Variants in ARHGAP26 observed in about 807,000 individuals in gnomAD.
The protein encoded by ARHGAP26 is rho GTPase-activating protein 26.
ARHGAP26 carries 38 observed loss-of-function variants against 104.8 expected under a neutral mutation model. The observed-to-expected ratio is 0.36, with a 90% CI of 0.28 to 0.48. ARHGAP26 has a LOEUF of 0.48. Ranked by LOEUF, ARHGAP26 falls within the 20% of genes least tolerant of loss-of-function variation. The pLI is 0.99. For missense variants in ARHGAP26, 704 were observed against 947.9 expected (o/e 0.74, Z 3.38); for synonymous variants, 341 against 340.0 (o/e 1.00, Z -0.03).
chr5:143,166,094 C>T (rs548259443), intron 20 of ARHGAP26: 2 of 1,312,994 alleles, frequency 1.5e-6, no homozygotes, highest in East Asian at 9.0e-5. Context: ...GTGATGGGCA[C>T]AAGGTGAGAA....
rs199728994 is a variant in ARHGAP26, at chr5:142,900,761, T to TA, written c.598-1165dup. 2.1e-3 allele frequency among the ~76,000 whole-genome samples: 316 copies of TA among 151,234 alleles called. 2 individuals are homozygous for TA. The highest frequency in any genetic ancestry group is 7.0e-3 in the African/African-American group (287 of 41,256). On this transcript the variant is annotated intron_variant, in intron 6 of 22. Coordinates refer to ENST00000645722, the MANE Select transcript of ARHGAP26 (RefSeq NM_001135608.3). Reference sequence around the variant, plus strand: ...ACATAATAAGTAATGTTTAACAGGTTAAAAAAAAATCATTTAGGGACTGAA... The same window carrying TA: ...ACATAATAAGTAATGTTTAACAGGTTAAAAAAAAAATCATTTAGGGACTGAA...
intron 20 of ARHGAP26, among the ~76,000 whole-genome samples, chr5:143,188,386 T>G (rs983745725): frequency 6.6e-6 from 1 of 152,224 alleles, no homozygotes; most frequent in Non-Finnish European, 1.5e-5. Context: ...GTCATTCAAT[T>G]TCTTGCTAAT....
intron 1 of ARHGAP26, among the ~76,000 whole-genome samples, chr5:142,789,019 A>G (rs1458059874): frequency 6.6e-5 from 10 of 152,232 alleles, no homozygotes; most frequent in Non-Finnish European, 1.5e-4. Context: ...TGTTGTCAGA[A>G]TTTGAACCTT....
chr5:143,177,839 G>C (rs1300962452), intron 20 of ARHGAP26, among the ~76,000 whole-genome samples: 2 of 151,990 alleles, frequency 1.3e-5, no homozygotes, highest in Admixed American at 1.3e-4. Context: ...TGTTTCCCCA[G>C]CACTTGAGGG....
intron 4 of ARHGAP26, among the ~76,000 whole-genome samples, chr5:142,881,236 T>C (rs1403248936): frequency 1.3e-5 from 2 of 152,202 alleles, no homozygotes; most frequent in South Asian, 4.1e-4. Flanking sequence ...CAGAGCTGTT[T>C]GTTGAGTCAT....
chr5:143,175,482 A>G (rs1215263538), intron 20 of ARHGAP26, among the ~76,000 whole-genome samples: 2 of 152,206 alleles, frequency 1.3e-5, no homozygotes, highest in Non-Finnish European at 2.9e-5. Flanking sequence ...GAAATGTTTT[A>G]GAAAAAAGAT....
At chr5:142,951,170 C>G (rs925572344) in intron 11 of ARHGAP26, among the ~76,000 whole-genome samples, 3 of 152,180 alleles carry the variant, frequency 2.0e-5, no homozygotes, top group African/African-American at 7.2e-5. Context: ...AGCGATTCTC[C>G]TGCTTCAGCC....
Position 143,041,879 on chromosome 5 carries a change from G to A in ARHGAP26, c.1274G>A (p.Ser425Asn). The change falls in exon 14 of 23, where the codon AGT (serine) becomes AAT (asparagine). Residue 425 changes from serine to asparagine, a missense_variant. Physicochemically the swap from Ser to Asn is conservative, Grantham distance 46. Around this residue, in one of 6 missense-constraint regions of ARHGAP26, gnomAD observed 287 missense variants for 438.8 expected, o/e 0.65. Coordinates refer to ENST00000645722, the MANE Select transcript of ARHGAP26 (RefSeq NM_001135608.3). Reference sequence around the variant, plus strand: ...AACTCCAGAGTGCAGAAGTTGCTGAGTGTCCTGATGGGTGAGTGCCGCAGT... The same window carrying A: ...AACTCCAGAGTGCAGAAGTTGCTGAATGTCCTGATGGGTGAGTGCCGCAGT... ...GVNSRVQKLLSVLMDPKTASE... is the reference protein window; with the variant it reads ...GVNSRVQKLLNVLMDPKTASE... The A allele has an allele frequency of 6.3e-7, 1 of 1,591,756 alleles. No homozygotes were observed. Among genetic ancestry groups the A allele is most frequent in the Middle Eastern group, 1.7e-4 (1 of 6,042 alleles).
chr5:142,947,136 G>A (rs1004206466), intron 11 of ARHGAP26: 1 of 150,490 alleles, frequency 6.6e-6, no homozygotes, highest in African/African-American at 2.5e-5. Flanking sequence ...GAGAGAGATG[G>A]GGTGGAGGGA....
chr5:143,010,082 G>A (rs565021290), intron 11 of ARHGAP26, among the ~76,000 whole-genome samples: 3 of 152,288 alleles, frequency 2.0e-5, no homozygotes, highest in African/African-American at 7.2e-5. Context: ...TGATGCTAGT[G>A]GGCAACTGTG....
At chr5:143,006,995 C>T (rs938517749) in intron 11 of ARHGAP26, among the ~76,000 whole-genome samples, 3 of 151,750 alleles carry the variant, frequency 2.0e-5, no homozygotes, top group Non-Finnish European at 2.9e-5. Context: ...TTTGGGAGGC[C>T]GAGGCGGGTG....
chr5:142,971,734 G>C (rs1697380770), intron 11 of ARHGAP26, among the ~76,000 whole-genome samples: 2 of 152,252 alleles, frequency 1.3e-5, no homozygotes, highest in East Asian at 3.9e-4. Context: ...GAAACCAAAA[G>C]CTTAAAGAGG....
At chr5:142,812,765 TG>T (rs1003263072) in intron 1 of ARHGAP26, among the ~76,000 whole-genome samples, 8 of 152,294 alleles carry the variant, frequency 5.3e-5, no homozygotes, top group African/African-American at 1.7e-4. Flanking sequence ...CTTAAACTCC[TG>T]GGCTCAAGCA....
intron 22 of ARHGAP26, among the ~76,000 whole-genome samples, chr5:143,219,203 C>T (rs1369387939): frequency 6.6e-6 from 1 of 152,192 alleles, no homozygotes; most frequent in East Asian, 1.9e-4. Context: ...TATGACCATG[C>T]ACAAATTATT....
intron 10 of ARHGAP26, among the ~76,000 whole-genome samples, chr5:142,928,991 G>A (rs1055004314): frequency 2.0e-5 from 3 of 152,164 alleles, no homozygotes; most frequent in African/African-American, 7.2e-5. Context: ...GGGCTGGAGT[G>A]CAGTGGCATG....
intron 1 of ARHGAP26, among the ~76,000 whole-genome samples, chr5:142,808,011 G>A (rs976950188): frequency 2.0e-5 from 3 of 151,894 alleles, no homozygotes; most frequent in Non-Finnish European, 4.4e-5. Flanking sequence ...CGAGGCGGGC[G>A]GATCACGAGG....
At chr5:142,805,445 A>G (rs1161855626) in intron 1 of ARHGAP26, among the ~76,000 whole-genome samples, 4 of 151,962 alleles carry the variant, frequency 2.6e-5, no homozygotes, top group South Asian at 4.2e-4. Flanking sequence ...CATTTGGATC[A>G]TTTTTACTTT....
At chr5:143,052,296 C>A (rs552260794) in intron 14 of ARHGAP26, among the ~76,000 whole-genome samples, 4 of 152,084 alleles carry the variant, frequency 2.6e-5, no homozygotes, top group African/African-American at 9.6e-5. Flanking sequence ...ATGGTGAAAC[C>A]CCATTTCTAC....
At chr5:142,932,791 C>G (rs774001555) in intron 11 of ARHGAP26, among the ~76,000 whole-genome samples, 1 of 152,194 alleles carries the variant, frequency 6.6e-6, no homozygotes, top group African/African-American at 2.4e-5. Context: ...GCCATGGGCT[C>G]CATTGACTAT....
Sources: allele counts gnomAD v4.1 joint callset (sites outside exome capture counted in the v4.1 genomes callset), GRCh38; gene constraint gnomAD v4.1.1; regional missense constraint gnomAD v4.1.1; transcripts MANE v1.5; gene names NCBI Gene and HGNC (gene_info 2026-07-23, HGNC 2026-07-21).